The following NAALADL2 variants were observed in gnomAD, a reference collection of about 807,000 sequenced individuals.
NAALADL2 encodes N-acetylated alpha-linked acidic dipeptidase like 2, also known as inactive N-acetylated-alpha-linked acidic dipeptidase-like protein 2.
A neutral mutation model predicts 87.2 loss-of-function variants in NAALADL2; 76 were observed. That is an observed-to-expected ratio of 0.87 (90% CI 0.72 to 1.05). The LOEUF is 1.05. Among genes scored for constraint, NAALADL2 ranks in the 50% least tolerant of loss-of-function variants. The pLI is 0.00. For missense variants in NAALADL2, 1,089 were observed against 945.8 expected, an observed-to-expected ratio of 1.15 and a Z score of -1.99; for synonymous variants, 354 against 331.0, an observed-to-expected ratio of 1.07 and a Z score of -0.75.
chr3:175,379,882 G>A (rs1767589008), intron 5 of NAALADL2, among the ~76,000 whole-genome samples: 2 of 152,136 alleles, frequency 1.3e-5, no homozygotes, highest in Admixed American at 1.3e-4. Flanking sequence ...TTGGTGGAAG[G>A]TTGTGTATGT....
At chr3:175,410,231 G>A (rs1026553677) in intron 5 of NAALADL2, among the ~76,000 whole-genome samples, 2 of 152,138 alleles carry the variant, frequency 1.3e-5, no homozygotes, top group Non-Finnish European at 2.9e-5. Flanking sequence ...CAGGAAGAAC[G>A]TGTAATTGAT....
chr3:174,444,355 T>C (rs1714888106), intron 1 of NAALADL2, among the ~76,000 whole-genome samples: 1 of 152,150 alleles, frequency 6.6e-6, no homozygotes, highest in South Asian at 2.1e-4. Flanking sequence ...CCAGGTGTGG[T>C]ACATGAGAAA....
chr3:175,506,978 G>A (rs943804619), intron 9 of NAALADL2, among the ~76,000 whole-genome samples: 2 of 152,002 alleles, frequency 1.3e-5, no homozygotes, highest in Admixed American at 6.6e-5. Context: ...GTCTGACAGT[G>A]ATGAAACTGA....
chr3:175,117,399 T>G (rs1725419776), intron 2 of NAALADL2, among the ~76,000 whole-genome samples: 1 of 151,840 alleles, frequency 6.6e-6, no homozygotes, highest in African/African-American at 2.4e-5. Context: ...CTAGAAAGAA[T>G]TTAAACAAAT....
intron 11 of NAALADL2, among the ~76,000 whole-genome samples, chr3:175,674,844 G>T (rs960240997): frequency 6.6e-6 from 1 of 151,918 alleles, no homozygotes; most frequent in African/African-American, 2.4e-5. Flanking sequence ...CACTGTATAG[G>T]TACTTTTGTG....
At chr3:175,141,312 C>G (rs1729960574) in intron 2 of NAALADL2, among the ~76,000 whole-genome samples, 1 of 151,926 alleles carries the variant, frequency 6.6e-6, no homozygotes, top group Non-Finnish European at 1.5e-5. Flanking sequence ...CCCAACAGGT[C>G]AAGTTTAGAT....
chr3:175,323,346 G>T (rs1285587560), intron 4 of NAALADL2, among the ~76,000 whole-genome samples: 2 of 115,592 alleles, frequency 1.7e-5, no homozygotes, highest in African/African-American at 6.6e-5. Flanking sequence ...GGTGGGGTGG[G>T]GGGAGGGGGG....
At chr3:175,071,736 T>C (rs1165531121) in intron 1 of NAALADL2, among the ~76,000 whole-genome samples, 2 of 151,926 alleles carry the variant, frequency 1.3e-5, no homozygotes, top group Non-Finnish European at 2.9e-5. Flanking sequence ...AAGGAAATGA[T>C]ATTGCAAAGC....
chr3:175,304,977 A>G lies in NAALADL2; in HGVS notation c.940-19198A>G, dbSNP rs145694519. Among the ~76,000 whole-genome samples the G allele has an allele frequency of 5.3e-3, 804 of 152,234 alleles. 8 individuals are homozygous for G. Among genetic ancestry groups the G allele is most frequent in the African/African-American group, 0.018 (740 of 41,538 alleles). ...ACTATACGTGAACTAAACTATAAAC[A>G]TAGGTTCCACTGTGTTCCAAAAGTT... On this transcript the variant is annotated intron_variant, in intron 4 of 13. Coordinates refer to ENST00000454872, the MANE Select transcript of NAALADL2 (RefSeq NM_207015.3).
chr3:175,147,654 T>C (rs1730938950), intron 2 of NAALADL2, among the ~76,000 whole-genome samples: 2 of 152,214 alleles, frequency 1.3e-5, no homozygotes, highest in Admixed American at 1.3e-4. Context: ...TTATGTTCTT[T>C]GAGAAATCTT....
At chr3:175,328,145 C>G (rs1760969551) in intron 5 of NAALADL2, among the ~76,000 whole-genome samples, 2 of 152,144 alleles carry the variant, frequency 1.3e-5, no homozygotes, top group African/African-American at 4.8e-5. Context: ...AGGATGTTTT[C>G]AGTATATCAC....
chr3:175,666,423 T>A (rs1733001146), intron 11 of NAALADL2, among the ~76,000 whole-genome samples: 1 of 152,196 alleles, frequency 6.6e-6, no homozygotes, highest in Admixed American at 6.5e-5. Context: ...TTGTTGTCTC[T>A]GTTTTATCAC....
chr3:175,638,585 C>T (rs1728857062), intron 11 of NAALADL2, among the ~76,000 whole-genome samples: 1 of 152,176 alleles, frequency 6.6e-6, no homozygotes, highest in Non-Finnish European at 1.5e-5. Context: ...ACTGTATTCT[C>T]TCAATTGGCA....
chr3:175,480,870 C>A (rs2149318265), intron 9 of NAALADL2, among the ~76,000 whole-genome samples: 1 of 151,972 alleles, frequency 6.6e-6, no homozygotes, highest in African/African-American at 2.4e-5. Flanking sequence ...AAAATAGCTC[C>A]TTGAGAACTA....
At chr3:175,506,594 T>C (rs538881471) in intron 9 of NAALADL2, among the ~76,000 whole-genome samples, 1 of 152,230 alleles carries the variant, frequency 6.6e-6, no homozygotes, top group Non-Finnish European at 1.5e-5. Flanking sequence ...CACACTTCAC[T>C]GGACTTAAGA....
chr3:174,548,965 C>T (rs934258498), intron 1 of NAALADL2, among the ~76,000 whole-genome samples: 10 of 152,228 alleles, frequency 6.6e-5, no homozygotes, highest in African/African-American at 1.4e-4. Flanking sequence ...CTCAGCCTCC[C>T]GAGTAGCTGG....
chr3:174,572,931 C>T (rs1715101359), intron 2 of NAALADL2, among the ~76,000 whole-genome samples: 1 of 152,040 alleles, frequency 6.6e-6, no homozygotes, highest in Non-Finnish European at 1.5e-5. Context: ...TCCTAATTTC[C>T]CACATAAGAA....
chr3:175,373,849 CTAATA>C (rs1017206101), intron 5 of NAALADL2, among the ~76,000 whole-genome samples: 3 of 152,104 alleles, frequency 2.0e-5, no homozygotes, highest in Non-Finnish European at 4.4e-5. Context: ...TTTTAACAAT[CTAATA>C]TGTGTGTATT....
At chr3:175,132,973 CGGCCG>C (rs1728394251) in intron 2 of NAALADL2, among the ~76,000 whole-genome samples, 2 of 150,892 alleles carry the variant, frequency 1.3e-5, no homozygotes, top group African/African-American at 2.4e-5. Flanking sequence ...TCAGACGGGG[CGGCCG>C]GGCAGAGACG....
Sources: allele counts gnomAD v4.1 joint callset (sites outside exome capture counted in the v4.1 genomes callset), GRCh38; gene constraint gnomAD v4.1.1; transcripts MANE v1.5; gene names NCBI Gene and HGNC (gene_info 2026-07-23, HGNC 2026-07-21).